NRXN3: variants seen among roughly 807,000 people sequenced by gnomAD.
The protein encoded by NRXN3 is neurexin 3, also known as neurexin III.
Under a neutral mutation model 137.6 loss-of-function variants are expected in NRXN3, and 32 were observed. That is an observed-to-expected ratio of 0.23 (90% CI 0.18 to 0.31). The LOEUF is 0.31. Among genes scored for constraint, NRXN3 ranks in the 10% least tolerant of loss-of-function variants. The pLI is 1.00. For synonymous variants in NRXN3, 798 were observed against 784.5 expected, an observed-to-expected ratio of 1.02 and a Z score of -0.29; for missense variants, 1,574 against 2,062.5, an observed-to-expected ratio of 0.76 and a Z score of 4.59.
chr14:79,363,454 G>A (rs1286205264), intron 15 of NRXN3, among the ~76,000 whole-genome samples: 2 of 152,090 alleles, frequency 1.3e-5, no homozygotes, highest in Admixed American at 1.3e-4. Context: ...TGTAATTAGT[G>A]TTATGCTCCA....
chr14:79,315,085 A>G (rs1409378539), intron 15 of NRXN3, among the ~76,000 whole-genome samples: 1 of 152,186 alleles, frequency 6.6e-6, no homozygotes, highest in Non-Finnish European at 1.5e-5. Flanking sequence ...TTCCCAGGTG[A>G]TAATGTATCT....
intron 4 of NRXN3, among the ~76,000 whole-genome samples, chr14:78,429,246 T>TATATATATATATATATATA (rs59488018): frequency 2.0e-5 from 3 of 151,280 alleles, no homozygotes; most frequent in African/African-American, 7.3e-5. Context: ...ATATATATAT[T>TATATATATATATATATATA]TTTTGTATAT....
intron 16 of NRXN3, among the ~76,000 whole-genome samples, chr14:79,636,487 T>C (rs2098404317): frequency 6.6e-6 from 1 of 152,320 alleles, no homozygotes; most frequent in East Asian, 1.9e-4. Flanking sequence ...TTGTGTCACA[T>C]AGAGTGTTTA....
In NRXN3 at chr14:78,807,925, C is replaced by A. The variant is rs189968291; in HGVS notation, c.2249-2393C>A. ...TTCAAGCAAAAAGTCTGGCTGCTAC[C>A]AAACGTAGATTTAAAGGAAATTGCC... On this transcript the variant is annotated intron_variant, in intron 9 of 20. Coordinates refer to ENST00000335750, the MANE Select transcript of NRXN3 (RefSeq NM_001330195.2). Among the ~76,000 whole-genome samples, 373 of 151,934 alleles carry A rather than the reference C, an allele frequency of 2.5e-3. 3 individuals carry two copies. Among genetic ancestry groups the A allele is most frequent in the African/African-American group, 8.7e-3 (361 of 41,480 alleles).
At chr14:79,211,407 T>C (rs2067642519) in intron 15 of NRXN3, among the ~76,000 whole-genome samples, 1 of 152,224 alleles carries the variant, frequency 6.6e-6, no homozygotes, top group Non-Finnish European at 1.5e-5. Flanking sequence ...TCTAAGATGA[T>C]GATGATAATT....
chr14:78,445,888 G>T (rs1377930092), intron 4 of NRXN3, among the ~76,000 whole-genome samples: 1 of 152,188 alleles, frequency 6.6e-6, no homozygotes, highest in Non-Finnish European at 1.5e-5. Flanking sequence ...ATTGGAAGCT[G>T]TTCTTGAGGT....
intron 15 of NRXN3, among the ~76,000 whole-genome samples, chr14:79,052,534 C>T (rs1275375206): frequency 1.3e-5 from 2 of 152,222 alleles, no homozygotes; most frequent in Non-Finnish European, 1.5e-5. Context: ...GATTGAGACA[C>T]AAAGCTTGGC....
intron 16 of NRXN3, among the ~76,000 whole-genome samples, chr14:79,485,778 A>G (rs1480936826): frequency 6.6e-6 from 1 of 152,288 alleles, no homozygotes; most frequent in East Asian, 1.9e-4. Flanking sequence ...AATAGACAAA[A>G]TGGTAGAAAA....
chr14:78,581,817 G>A (rs2097000876), intron 4 of NRXN3, among the ~76,000 whole-genome samples: 2 of 152,152 alleles, frequency 1.3e-5, no homozygotes, highest in East Asian at 3.9e-4. Context: ...ACAGCAGGAG[G>A]AACTGAAGAG....
At chr14:78,393,931 TG>T (rs2091113498) in intron 4 of NRXN3, among the ~76,000 whole-genome samples, 1 of 152,036 alleles carries the variant, frequency 6.6e-6, no homozygotes, top group African/African-American at 2.4e-5. Context: ...AACAGACTTT[TG>T]TACGTTTATC....
intron 8 of NRXN3, among the ~76,000 whole-genome samples, chr14:78,794,209 C>T (rs889383458): frequency 6.6e-6 from 1 of 151,910 alleles, no homozygotes; most frequent in African/African-American, 2.4e-5. Context: ...ATGGGAAACC[C>T]CGTCTCTACT....
intron 4 of NRXN3, among the ~76,000 whole-genome samples, chr14:78,476,556 A>G (rs773240794): frequency 1.3e-5 from 2 of 152,200 alleles, no homozygotes; most frequent in African/African-American, 4.8e-5. Context: ...TGTTTTTCAT[A>G]TATATGACCT....
intron 6 of NRXN3, among the ~76,000 whole-genome samples, chr14:78,700,134 G>T (rs1046319723): frequency 1.3e-5 from 2 of 152,164 alleles, no homozygotes; most frequent in African/African-American, 2.4e-5. Context: ...TGTGCATGTT[G>T]TTGGCAGCAA....
At chr14:78,753,322 G>A (rs901027868) in intron 8 of NRXN3, among the ~76,000 whole-genome samples, 2 of 152,104 alleles carry the variant, frequency 1.3e-5, no homozygotes, top group African/African-American at 2.4e-5. Context: ...TGGGGTTAGC[G>A]GCTGGGTGAC....
chr14:79,575,259 A>G (rs184431043), intron 16 of NRXN3, among the ~76,000 whole-genome samples: 25 of 152,226 alleles, frequency 1.6e-4, no homozygotes, highest in African/African-American at 6.0e-4. Context: ...AGGCTTGCTA[A>G]GAAAACTTCT....
At chr14:78,185,553 A>T (rs966218318) in intron 1 of NRXN3, among the ~76,000 whole-genome samples, 52 of 152,280 alleles carry the variant, frequency 3.4e-4, no homozygotes, top group African/African-American at 1.2e-3. Flanking sequence ...TATTATAAGA[A>T]TCCTAACTTA....
chr14:78,678,839 A>C (rs2098040415), intron 6 of NRXN3, among the ~76,000 whole-genome samples: 1 of 152,178 alleles, frequency 6.6e-6, no homozygotes, highest in African/African-American at 2.4e-5. Flanking sequence ...AGCCCCAGTG[A>C]GTGGCCTTCC....
At chr14:79,629,842 T>C (rs1411636509) in intron 16 of NRXN3, among the ~76,000 whole-genome samples, 1 of 113,706 alleles carries the variant, frequency 8.8e-6, no homozygotes, top group South Asian at 2.5e-4. Flanking sequence ...TGTGTGTGTG[T>C]GCGTGTGTGT....
At chr14:79,156,921 C>T (rs1456418427) in intron 15 of NRXN3, among the ~76,000 whole-genome samples, 2 of 151,796 alleles carry the variant, frequency 1.3e-5, no homozygotes, top group Admixed American at 1.3e-4. Flanking sequence ...GAATGTATAG[C>T]AGCATTCTTG....
Sources: allele counts gnomAD v4.1 joint callset (sites outside exome capture counted in the v4.1 genomes callset), GRCh38; gene constraint gnomAD v4.1.1; transcripts MANE v1.5; gene names NCBI Gene and HGNC (gene_info 2026-07-23, HGNC 2026-07-21).